ABL1: variants seen among roughly 807,000 people sequenced by gnomAD.
ABL1 encodes the protein ABL proto-oncogene 1, non-receptor tyrosine kinase.
ABL1 carries 11 observed loss-of-function variants against 94.7 expected under a neutral mutation model. That is an observed-to-expected ratio of 0.12 (90% CI 0.07 to 0.19). The LOEUF is 0.19. Ranked by LOEUF, ABL1 falls within the 10% of genes least tolerant of loss-of-function variation. ABL1 has a pLI of 1.00. For synonymous variants in ABL1, 656 were observed against 622.4 expected (o/e 1.05, Z -0.80); for missense variants, 1,082 against 1,489.4 (o/e 0.73, Z 4.50).
chr9:130,856,157 C>T (rs958411013), intron 3 of ABL1, among the ~76,000 whole-genome samples: 3 of 152,144 alleles, frequency 2.0e-5, no homozygotes, highest in South Asian at 2.1e-4. Flanking sequence ...GGTGCGTTCT[C>T]GGCTTACTGC....
At chr9:130,842,301 A>C (rs149275701) in intron 1 of ABL1, among the ~76,000 whole-genome samples, 1 of 152,374 alleles carries the variant, frequency 6.6e-6, no homozygotes, top group Non-Finnish European at 1.5e-5. Context: ...ATAGGGATTC[A>C]GTGCAGATGA....
intron 1 of ABL1, among the ~76,000 whole-genome samples, chr9:130,853,576 G>A (rs546337514): frequency 6.6e-6 from 1 of 152,078 alleles, no homozygotes; most frequent in Non-Finnish European, 1.5e-5. Context: ...CACCATGCCC[G>A]GCTAATTTTT....
intron 1 of ABL1, among the ~76,000 whole-genome samples, chr9:130,763,119 C>T (rs114619093): frequency 1.3e-5 from 2 of 151,922 alleles, no homozygotes; most frequent in African/African-American, 4.8e-5. Context: ...TTTGTTTCAG[C>T]CTCAGGGCCT....
chr9:130,853,381 G>A (rs1426348226), intron 1 of ABL1, among the ~76,000 whole-genome samples: 11 of 149,716 alleles, frequency 7.3e-5, no homozygotes, highest in Non-Finnish European at 1.6e-4. Flanking sequence ...TCACTGTGTT[G>A]GTCAGGTTGG....
intron 1 of ABL1, chr9:130,714,662 C>T (rs1290367604): frequency 5.7e-6 from 4 of 703,046 alleles, no homozygotes; most frequent in Non-Finnish European, 9.8e-6. Flanking sequence ...ATTTGAGTTG[C>T]TTATTTCTTG....
At chr9:130,775,119 C>T (rs180689826) in intron 1 of ABL1, among the ~76,000 whole-genome samples, 54 of 152,320 alleles carry the variant, frequency 3.5e-4, no homozygotes, top group African/African-American at 1.3e-3. Flanking sequence ...TAGATTACTA[C>T]AGTTCCTAGT....
chr9:130,882,617 C>T (rs1182937523), intron 10 of ABL1, among the ~76,000 whole-genome samples: 2 of 152,090 alleles, frequency 1.3e-5, no homozygotes, highest in African/African-American at 4.8e-5. Flanking sequence ...TCACTGCAAC[C>T]TCCACCTCCT....
intron 7 of ABL1, among the ~76,000 whole-genome samples, chr9:130,878,053 T>G (rs1464575814): frequency 6.6e-6 from 1 of 152,178 alleles, no homozygotes; most frequent in African/African-American, 2.4e-5. Flanking sequence ...GACCTCGTGA[T>G]CCGCCCGCCT....
At chr9:130,877,178 T>G (rs1011744166) in intron 7 of ABL1, among the ~76,000 whole-genome samples, 1 of 148,028 alleles carries the variant, frequency 6.8e-6, no homozygotes, top group Non-Finnish European at 1.5e-5. Context: ...TCACATTAGC[T>G]CCTAGTCATT....
rs866135122 is a variant in ABL1, at chr9:130,736,275, C to T, written c.136+21820C>T. ...TGTATTAATATAGAGTAATAGAGAT[C>T]TATATTGGTAGATATTTCCACATTT... On this transcript the variant is annotated intron_variant, in intron 1 of 10. Coordinates refer to the ABL1 transcript ENST00000372348. Among the ~76,000 whole-genome samples the T allele has an allele frequency of 1.3e-4, 19 of 151,674 alleles. No individual in the cohort carries two copies. The Middle Eastern group carries it at 0.014, about 110-fold the overall frequency.
intron 3 of ABL1, among the ~76,000 whole-genome samples, chr9:130,856,999 C>T (rs1391704536): frequency 6.6e-6 from 1 of 152,188 alleles, no homozygotes; most frequent in African/African-American, 2.4e-5. Flanking sequence ...CACCACCACC[C>T]AGCCCTCACA....
intron 1 of ABL1, among the ~76,000 whole-genome samples, chr9:130,837,333 C>T (rs962405849): frequency 1.3e-5 from 2 of 152,206 alleles, no homozygotes; most frequent in South Asian, 4.1e-4. Flanking sequence ...CTCCACTTTG[C>T]AGATGGGTGC....
intron 8 of ABL1, 132 bp downstream of exon 8, chr9:130,878,699 A>G (rs1317873746): frequency 1.8e-6 from 2 of 1,132,356 alleles, no homozygotes; most frequent in Admixed American, 2.4e-5. Flanking sequence ...GATGCAGCTA[A>G]TGTAGCCATT....
At chr9:130,716,797 C>T (rs1320680249) in intron 1 of ABL1, among the ~76,000 whole-genome samples, 1 of 151,776 alleles carries the variant, frequency 6.6e-6, no homozygotes, top group Non-Finnish European at 1.5e-5. Context: ...GTCGCCCGGG[C>T]TGGAGTGCTG....
intron 4 of ABL1, among the ~76,000 whole-genome samples, chr9:130,867,937 G>GT (rs34124714): frequency 0.31 from 43,200 of 141,068 alleles, 6,969 homozygotes; most frequent in African/African-American, 0.43. Flanking sequence ...CCCTCCAGTG[G>GT]TTTTTTTTTT....
intron 1 of ABL1, among the ~76,000 whole-genome samples, chr9:130,728,140 T>C (rs751722213): frequency 2.7e-5 from 4 of 150,630 alleles, no homozygotes; most frequent in African/African-American, 4.9e-5. Flanking sequence ...CATAGCTCAC[T>C]GCAACCTCCG....
At chr9:130,811,774 T>C (rs1830209900) in intron 1 of ABL1, among the ~76,000 whole-genome samples, 1 of 151,562 alleles carries the variant, frequency 6.6e-6, no homozygotes, top group Non-Finnish European at 1.5e-5. Context: ...CCGGGCATGG[T>C]GGTGGCACCT....
intron 1 of ABL1, among the ~76,000 whole-genome samples, chr9:130,730,684 A>G (rs1831653364): frequency 6.6e-6 from 1 of 151,446 alleles, no homozygotes; most frequent in South Asian, 2.1e-4. Context: ...CGGTCCTCCA[A>G]CTTCATCCTC....
At chr9:130,796,920 C>CAAAAAAAAAAA (rs10607745) in intron 1 of ABL1, among the ~76,000 whole-genome samples, 27 of 60,770 alleles carry the variant, frequency 4.4e-4, no homozygotes, top group African/African-American at 1.5e-3. Flanking sequence ...AACTTCATCT[C>CAAAAAAAAAAA]AAAAAAAAAA....
Sources: allele counts gnomAD v4.1 joint callset (sites outside exome capture counted in the v4.1 genomes callset), GRCh38; gene constraint gnomAD v4.1.1; transcripts MANE v1.5; gene names NCBI Gene and HGNC (gene_info 2026-07-23, HGNC 2026-07-21).